Variants in STK3 observed in about 807,000 individuals in gnomAD.
The protein encoded by STK3 is serine/threonine-protein kinase 3.
Under a neutral mutation model 58.0 loss-of-function variants are expected in STK3, and 41 were observed. The observed-to-expected ratio is 0.71, with a 90% CI of 0.55 to 0.92. STK3 has a LOEUF of 0.92. Ranked by LOEUF, STK3 falls within the 40% of genes least tolerant of loss-of-function variation. STK3 has a pLI of 0.00. For synonymous variants in STK3, 170 were observed against 191.0 expected (o/e 0.89, Z 0.91); for missense variants, 479 against 602.7 (o/e 0.79, Z 2.15).
chr8:98,742,933 A>G (rs1157890032), intron 4 of STK3, among the ~76,000 whole-genome samples: 40 of 152,114 alleles, frequency 2.6e-4, no homozygotes, highest in Admixed American at 2.5e-3. Context: ...TTATACACCA[A>G]TAACAGACAA....
intron 1 of STK3, among the ~76,000 whole-genome samples, chr8:98,897,546 G>T (rs2131943662): frequency 6.6e-6 from 1 of 152,268 alleles, no homozygotes; most frequent in Middle Eastern, 3.4e-3. Flanking sequence ...AGTGAGCCGA[G>T]ATCGTGCCAC....
intron 3 of STK3, among the ~76,000 whole-genome samples, chr8:98,858,311 TATATATATATATAGAGAG>T (rs1381649685): frequency 4.9e-4 from 34 of 70,048 alleles, no homozygotes; most frequent in African/African-American, 1.5e-3. Context: ...TATATATATA[TATATATATATATAGAGAG>T]AGAGAGAGAG....
chr8:98,548,050 T>C lies in STK3; in HGVS notation c.1060A>G (p.Asn354Asp). Reference sequence around the variant, plus strand: ...AAGTCGGATTCCAACATCGTGCTATTATGTTCAATCATGGTCTGGGCCCCT... The same window carrying C: ...AAGTCGGATTCCAACATCGTGCTATCATGTTCAATCATGGTCTGGGCCCCT... ...SEGAQTMIEHNSTMLESDLGT... is the reference protein window; with the variant it reads ...SEGAQTMIEHDSTMLESDLGT... Residue 354 changes from asparagine (N) to aspartate (D), a missense_variant, in exon 9 of 11, where the codon AAT becomes GAT. Transcript: ENST00000419617. The C allele has an allele frequency of 3.1e-6, 5 of 1,610,992 alleles. No individual in the cohort carries two copies. The East Asian group carries it at 9.0e-5, about 29-fold the overall frequency.
intron 1 of STK3, among the ~76,000 whole-genome samples, chr8:98,899,734 G>C (rs1443825724): frequency 6.6e-6 from 1 of 152,122 alleles, no homozygotes; most frequent in Non-Finnish European, 1.5e-5. Flanking sequence ...CTCTTTACAA[G>C]AACCCTGGGA....
chr8:98,495,064 A>G (rs1356547180), intron 10 of STK3, among the ~76,000 whole-genome samples: 1 of 152,208 alleles, frequency 6.6e-6, no homozygotes, highest in Admixed American at 6.5e-5. Context: ...CCAGAAGAAA[A>G]AATCCATCCC....
At chr8:98,720,221 T>C (rs1294581637) in intron 4 of STK3, among the ~76,000 whole-genome samples, 1 of 152,224 alleles carries the variant, frequency 6.6e-6, no homozygotes, top group Non-Finnish European at 1.5e-5. Context: ...ATTTTTATAT[T>C]TATTTACAGT....
intron 3 of STK3, among the ~76,000 whole-genome samples, chr8:98,864,123 G>A (rs544933274): frequency 1.3e-5 from 2 of 150,320 alleles, no homozygotes; most frequent in South Asian, 2.1e-4. Context: ...GGCATGAATC[G>A]GGAGGCGGAG....
chr8:98,428,107 T>A lies in STK3; in HGVS notation n.483+6020A>T. The A allele has an allele frequency of 6.2e-7, 1 of 1,613,830 alleles. No homozygotes were observed. Among genetic ancestry groups the A allele is most frequent in the Non-Finnish European group, 8.5e-7 (1 of 1,180,004 alleles). ...CTGCTGCGCTTCCCCGAGACGCGCCTGGGCCGCTTGCTGCTCTGCCACTCG... is the reference window on the plus strand; with the variant it reads ...CTGCTGCGCTTCCCCGAGACGCGCCAGGGCCGCTTGCTGCTCTGCCACTCG... On this transcript the variant is annotated intron_variant and non_coding_transcript_variant, in intron 3 of 3. Coordinates refer to the STK3 transcript ENST00000517832. The surrounding 1 kb of genome is among the most constrained non-coding windows in gnomAD (Gnocchi z 6.7).
intron 1 of STK3, among the ~76,000 whole-genome samples, chr8:98,899,056 T>G (rs1427215454): frequency 6.6e-6 from 1 of 152,192 alleles, no homozygotes; most frequent in Non-Finnish European, 1.5e-5. Context: ...GTCCAAGGCC[T>G]TTGGCAATGG....
chr8:98,867,702 A>G (rs1564071596), intron 3 of STK3, among the ~76,000 whole-genome samples: 1 of 152,202 alleles, frequency 6.6e-6, no homozygotes, highest in South Asian at 2.1e-4. Context: ...TCTCAGCTTC[A>G]TTGCTTACCA....
chr8:98,588,007 G>A (rs540688754), intron 7 of STK3, among the ~76,000 whole-genome samples: 1 of 152,092 alleles, frequency 6.6e-6, no homozygotes, highest in African/African-American at 2.4e-5. Context: ...CACGTGAGAT[G>A]GGTTTCCTCA....
chr8:98,622,906 T>C (rs1409336649), intron 6 of STK3, among the ~76,000 whole-genome samples: 1 of 152,202 alleles, frequency 6.6e-6, no homozygotes, highest in Admixed American at 6.5e-5. Context: ...CAATAATAAA[T>C]TACATGGGAC....
intron 8 of STK3, among the ~76,000 whole-genome samples, chr8:98,577,806 A>G (rs1293131729): frequency 1.3e-5 from 2 of 152,164 alleles, no homozygotes; most frequent in Admixed American, 6.5e-5. Context: ...TTAAGGTGCT[A>G]TGTTTTGGGG....
intron 3 of STK3, among the ~76,000 whole-genome samples, chr8:98,842,890 G>A (rs1011474331): frequency 5.3e-5 from 8 of 151,956 alleles, no homozygotes; most frequent in South Asian, 2.1e-4. Flanking sequence ...TAATTAGCAC[G>A]TCTGTGGTCC....
chr8:98,467,042 A>G (rs1440653821), intron 10 of STK3, among the ~76,000 whole-genome samples: 1 of 152,126 alleles, frequency 6.6e-6, no homozygotes, highest in Non-Finnish European at 1.5e-5. Flanking sequence ...ATGCTAATAT[A>G]CCTTCCAAAC....
chr8:98,639,024 TAAC>T (rs929091633), intron 6 of STK3, among the ~76,000 whole-genome samples: 1 of 152,064 alleles, frequency 6.6e-6, no homozygotes, highest in African/African-American at 2.4e-5. Flanking sequence ...ATTACTGTTC[TAAC>T]AACTACGCAT....
At chr8:98,638,886 G>A (rs1450529394) in intron 6 of STK3, among the ~76,000 whole-genome samples, 1 of 152,044 alleles carries the variant, frequency 6.6e-6, no homozygotes, top group Non-Finnish European at 1.5e-5. Context: ...TGAAATGTTG[G>A]TTATATAAAA....
intron 6 of STK3, among the ~76,000 whole-genome samples, chr8:98,663,924 T>A (rs551023949): frequency 6.6e-6 from 1 of 152,092 alleles, no homozygotes. Context: ...ACAGCAAAAA[T>A]AGTACCTTTT....
intron 10 of STK3, among the ~76,000 whole-genome samples, chr8:98,498,696 A>G (rs1823345134): frequency 6.6e-6 from 1 of 152,198 alleles, no homozygotes; most frequent in South Asian, 2.1e-4. Context: ...AATCTGAACC[A>G]GCTGATCCCT....
Sources: gnomAD v4.1 joint callset for allele counts (sites outside exome capture counted in the v4.1 genomes callset) on GRCh38, gnomAD v4.1.1 for gene constraint, Gnocchi (gnomAD v3.1) non-coding constraint, MANE v1.5 for transcripts, NCBI Gene and HGNC (gene_info 2026-07-23, HGNC 2026-07-21) for gene names.